Variants in THSD4 observed in about 807,000 individuals in gnomAD.
THSD4 encodes the protein thrombospondin type-1 domain-containing protein 4.
A neutral mutation model predicts 119.0 loss-of-function variants in THSD4; 69 were observed. That is an observed-to-expected ratio of 0.58 (90% CI 0.48 to 0.71). THSD4 has a LOEUF of 0.71. Ranked by LOEUF, THSD4 falls within the 30% of genes least tolerant of loss-of-function variation. THSD4 has a pLI of 0.00. For missense variants in THSD4, 1,393 were observed against 1,391.1 expected, an observed-to-expected ratio of 1.00 and a Z score of -0.02; for synonymous variants, 524 against 540.4, an observed-to-expected ratio of 0.97 and a Z score of 0.42.
At chr15:71,180,933 TA>T (rs199874722) in intron 3 of THSD4, among the ~76,000 whole-genome samples, 2 of 150,002 alleles carry the variant, frequency 1.3e-5, no homozygotes, top group African/African-American at 4.9e-5. Context: ...ATACCTCAAT[TA>T]AAAAAAAAGA....
At chr15:71,116,597 C>T (rs2040365021) in intron 1 of THSD4, among the ~76,000 whole-genome samples, 1 of 152,184 alleles carries the variant, frequency 6.6e-6, no homozygotes, top group Non-Finnish European at 1.5e-5. Flanking sequence ...CGCTGCGCTT[C>T]GCCCTTTTCG....
chr15:71,746,359 G>A (rs2053336761), intron 12 of THSD4, among the ~76,000 whole-genome samples: 1 of 152,122 alleles, frequency 6.6e-6, no homozygotes, highest in South Asian at 2.1e-4. Flanking sequence ...TGCCTTTACA[G>A]AGTCAGATGA....
Position 71,563,962 on chromosome 15 carries a change from T to C in THSD4, c.1153-96568T>C, listed in dbSNP as rs79845990. 9.7e-3 allele frequency among the ~76,000 whole-genome samples: 1,479 copies of C among 152,322 alleles called. 26 individuals carry two copies. The highest frequency in any genetic ancestry group is 0.034 in the African/African-American group (1,411 of 41,546). ...GGGTGGGCTTTTCCATCAGTTGTCT[T>C]GGTTGATGTGCCAGTCAGCCAATTC... On this transcript the variant is annotated intron_variant, in intron 7 of 17. Coordinates refer to ENST00000261862, the MANE Select transcript of THSD4 (RefSeq NM_024817.3).
At chr15:71,285,643 C>T (rs2044706107) in intron 6 of THSD4, among the ~76,000 whole-genome samples, 2 of 151,988 alleles carry the variant, frequency 1.3e-5, no homozygotes, top group Non-Finnish European at 2.9e-5. Context: ...ATCACTAGGT[C>T]AGGAGATTGA....
intron 6 of THSD4, among the ~76,000 whole-genome samples, chr15:71,367,104 T>G (rs999750742): frequency 1.3e-5 from 2 of 152,150 alleles, no homozygotes; most frequent in African/African-American, 4.8e-5. Flanking sequence ...AAATGTAGCT[T>G]CCACTATTTT....
intron 1 of THSD4, among the ~76,000 whole-genome samples, chr15:71,118,495 A>G (rs961325653): frequency 1.3e-5 from 2 of 152,042 alleles, no homozygotes; most frequent in Non-Finnish European, 2.9e-5. Context: ...TCGCCTCCCC[A>G]GCCACTCTGA....
At chr15:71,225,469 T>C (rs1849432247) in intron 4 of THSD4, among the ~76,000 whole-genome samples, 1 of 152,148 alleles carries the variant, frequency 6.6e-6, no homozygotes, top group Non-Finnish European at 1.5e-5. Context: ...CCTGTCATCT[T>C]TTCTGCCACC....
intron 1 of THSD4, among the ~76,000 whole-genome samples, chr15:71,105,846 C>T (rs1294345648): frequency 6.6e-6 from 1 of 152,130 alleles, no homozygotes; most frequent in Non-Finnish European, 1.5e-5. Flanking sequence ...GTTTTTCTGG[C>T]TTGCATTTTC....
At chr15:71,690,316 C>G (rs1006189292) in intron 8 of THSD4, among the ~76,000 whole-genome samples, 1 of 152,190 alleles carries the variant, frequency 6.6e-6, no homozygotes, top group African/African-American at 2.4e-5. Context: ...TGCTGAGAAT[C>G]TGGGGTCCTT....
rs146716287 is a variant in THSD4, at chr15:71,776,894, G to A, written c.2915-338G>A. 2.8e-3 allele frequency among the ~76,000 whole-genome samples: 423 copies of A among 152,268 alleles called. 4 individuals are homozygous for A. Among genetic ancestry groups the A allele is most frequent in the African/African-American group, 9.3e-3 (385 of 41,544 alleles). On this transcript the variant is annotated intron_variant, in intron 17 of 17. Transcript: ENST00000261862. Reference sequence around the variant, plus strand: ...TGTTTAAATGTCACAGAGTGGTGAGGGATTCCCTCACATAGAGTTTAAGTG... The same window carrying A: ...TGTTTAAATGTCACAGAGTGGTGAGAGATTCCCTCACATAGAGTTTAAGTG...
At chr15:71,735,832 CTCTG>C (rs2053082463) in intron 10 of THSD4, among the ~76,000 whole-genome samples, 1 of 151,376 alleles carries the variant, frequency 6.6e-6, no homozygotes, top group African/African-American at 2.4e-5. Flanking sequence ...CTCTCTTGCT[CTCTG>C]TCTCTTTCGC....
intron 6 of THSD4, among the ~76,000 whole-genome samples, chr15:71,330,879 C>T (rs577991844): frequency 2.1e-4 from 32 of 152,228 alleles, no homozygotes; most frequent in African/African-American, 7.5e-4. Context: ...TCAAATAAAA[C>T]AGACACCAGT....
At chr15:71,616,544 C>G (rs2050321662) in intron 7 of THSD4, among the ~76,000 whole-genome samples, 1 of 152,326 alleles carries the variant, frequency 6.6e-6, no homozygotes, top group African/African-American at 2.4e-5. Context: ...GTGGTGGCAA[C>G]AGTGCCATCT....
intron 7 of THSD4, among the ~76,000 whole-genome samples, chr15:71,553,125 G>T (rs1041181171): frequency 1.3e-5 from 2 of 152,124 alleles, no homozygotes; most frequent in African/African-American, 4.8e-5. Context: ...AAACGTAAGG[G>T]TATGTGCCTA....
chr15:71,669,464 T>G (rs773817157), intron 8 of THSD4, among the ~76,000 whole-genome samples: 7 of 152,194 alleles, frequency 4.6e-5, no homozygotes. Context: ...GTGCAGAAAG[T>G]GCAGGTTTGT....
chr15:71,345,114 T>C (rs1259693364), intron 6 of THSD4, among the ~76,000 whole-genome samples: 1 of 151,058 alleles, frequency 6.6e-6, no homozygotes, highest in Non-Finnish European at 1.5e-5. Flanking sequence ...GTAGCCTGGG[T>C]CTGTGATATT....
At chr15:71,489,473 A>G (rs1158415042) in intron 7 of THSD4, among the ~76,000 whole-genome samples, 1 of 152,266 alleles carries the variant, frequency 6.6e-6, no homozygotes, top group East Asian at 1.9e-4. Flanking sequence ...TGCCCAGCTC[A>G]CCATCTTCTG....
chr15:71,343,809 C>T (rs918219601), intron 6 of THSD4, among the ~76,000 whole-genome samples: 2 of 150,150 alleles, frequency 1.3e-5, no homozygotes, highest in African/African-American at 4.9e-5. Flanking sequence ...GCCTCCCAGG[C>T]TCAGATGATC....
intron 8 of THSD4, among the ~76,000 whole-genome samples, chr15:71,676,826 C>A (rs943954739): frequency 6.6e-6 from 1 of 152,132 alleles, no homozygotes; most frequent in Non-Finnish European, 1.5e-5. Context: ...TATGTATATG[C>A]CACATTTTGT....
Sources: allele counts gnomAD v4.1 joint callset (sites outside exome capture counted in the v4.1 genomes callset), GRCh38; gene constraint gnomAD v4.1.1; transcripts MANE v1.5; gene names NCBI Gene and HGNC (gene_info 2026-07-23, HGNC 2026-07-21).